The following ATE1 variants were observed in gnomAD, a reference collection of about 807,000 sequenced individuals.
ATE1 encodes the protein arginyl-tRNA--protein transferase 1.
ATE1 carries 36 observed loss-of-function variants against 70.5 expected under a neutral mutation model. That is an observed-to-expected ratio of 0.51 (90% confidence interval 0.39 to 0.67). The LOEUF is 0.67. Among genes scored for constraint, ATE1 ranks in the 30% least tolerant of loss-of-function variants. ATE1 has a pLI of 0.00. For synonymous variants in ATE1, 232 were observed against 219.3 expected, an observed-to-expected ratio of 1.06 and a Z score of -0.51; for missense variants, 593 against 629.5, an observed-to-expected ratio of 0.94 and a Z score of 0.62.
intron 8 of ATE1, among the ~76,000 whole-genome samples, chr10:121,852,510 A>T (rs10444128): frequency 0.3 from 44,924 of 151,946 alleles, 7,178 homozygotes; most frequent in South Asian, 0.43. Context: ...CAGGAGTTTG[A>T]GACCAGCCTG....
intron 4 of ATE1, among the ~76,000 whole-genome samples, chr10:121,912,133 G>A (rs1404738586): frequency 6.6e-6 from 1 of 151,880 alleles, no homozygotes. Flanking sequence ...CTCGTGATCC[G>A]CCTGTGTTGG....
intron 7 of ATE1, among the ~76,000 whole-genome samples, chr10:121,889,336 G>A (rs1266457565): frequency 1.3e-5 from 2 of 151,890 alleles, no homozygotes; most frequent in Non-Finnish European, 2.9e-5. Context: ...AAACCGAACT[G>A]TGATACGGAA....
At chr10:121,748,874 A>G (rs1944469197) in intron 11 of ATE1, among the ~76,000 whole-genome samples, 1 of 152,160 alleles carries the variant, frequency 6.6e-6, no homozygotes, top group Non-Finnish European at 1.5e-5. Context: ...AAATCCAACT[A>G]TATTTAGTCT....
rs187004692 is a variant in ATE1 at position 121,779,402 on chromosome 10, C to T, written c.1378+10767G>A. ...CCTGCTCAAATCTCTTACCTCTCTCCTCACCAGCACCTGCTTCAATGGAAA... is the reference window on the plus strand; with the variant it reads ...CCTGCTCAAATCTCTTACCTCTCTCTTCACCAGCACCTGCTTCAATGGAAA... On this transcript the variant is annotated intron_variant, in intron 11 of 11. Transcript: ENST00000224652. 3.3e-5 allele frequency among the ~76,000 whole-genome samples: 5 copies of T among 152,288 alleles called. No homozygotes were observed. In the East Asian group the frequency reaches 9.7e-4, roughly 29 times the overall value.
intron 7 of ATE1, among the ~76,000 whole-genome samples, chr10:121,883,164 T>C (rs1010865472): frequency 2.0e-5 from 3 of 152,128 alleles, no homozygotes; most frequent in Non-Finnish European, 4.4e-5. Context: ...CCCTCCTTTA[T>C]ACCTGCTCTA....
At chr10:121,782,748 C>G (rs1449272130) in intron 11 of ATE1, 2 of 152,088 alleles carry the variant, frequency 1.3e-5, no homozygotes, top group Non-Finnish European at 2.9e-5. Flanking sequence ...AAAGGCAGAC[C>G]CACTTCAACT....
intron 11 of ATE1, among the ~76,000 whole-genome samples, chr10:121,772,516 C>T (rs913111726): frequency 6.6e-6 from 1 of 152,138 alleles, no homozygotes; most frequent in Admixed American, 6.5e-5. Flanking sequence ...ATGCAAGGGG[C>T]CCATCAAAAA....
chr10:121,753,389 A>T (rs1418280652), intron 11 of ATE1, among the ~76,000 whole-genome samples: 1 of 152,214 alleles, frequency 6.6e-6, no homozygotes, highest in Non-Finnish European at 1.5e-5. Flanking sequence ...TGATATGTTG[A>T]TTAAAAACAA....
chr10:121,926,776 G>C (rs1035328890), intron 1 of ATE1: 21 of 985,278 alleles, frequency 2.1e-5, no homozygotes, highest in Non-Finnish European at 2.0e-5. Context: ...CTTCCTTTCA[G>C]AACTGTAATC....
At chr10:121,753,147 T>C (rs1394807788) in intron 11 of ATE1, among the ~76,000 whole-genome samples, 1 of 152,220 alleles carries the variant, frequency 6.6e-6, no homozygotes, top group Non-Finnish European at 1.5e-5. Flanking sequence ...TTGCTCACTG[T>C]TTAAGTGTGT....
chr10:121,862,532 A>ATTTTTTT (rs35130703), intron 8 of ATE1, among the ~76,000 whole-genome samples: 45 of 105,374 alleles, frequency 4.3e-4, no homozygotes, highest in African/African-American at 9.8e-4. Context: ...AATTTTTTTA[A>ATTTTTTT]TTTTTTTTTT....
chr10:121,897,585 C>G (rs560411075), intron 7 of ATE1, among the ~76,000 whole-genome samples: 2 of 152,200 alleles, frequency 1.3e-5, no homozygotes, highest in African/African-American at 4.8e-5. Context: ...TCCCAGCACT[C>G]TGGGAGGCCA....
At chr10:121,884,104 T>TC (rs1950306764) in intron 7 of ATE1, among the ~76,000 whole-genome samples, 1 of 6,998 alleles carries the variant, frequency 1.4e-4, no homozygotes, top group African/African-American at 3.3e-4. Flanking sequence ...AGACCCAGAC[T>TC]CAAAAAAAAA....
intron 10 of ATE1, among the ~76,000 whole-genome samples, chr10:121,829,020 A>T (rs1030929322): frequency 7.2e-5 from 11 of 152,118 alleles, no homozygotes; most frequent in African/African-American, 2.4e-4. Context: ...ATGTCCTCCT[A>T]AGTTGTAACC....
chr10:121,861,186 C>T (rs1005945992), intron 8 of ATE1, among the ~76,000 whole-genome samples: 4 of 152,094 alleles, frequency 2.6e-5, no homozygotes, highest in Non-Finnish European at 5.9e-5. Context: ...GAAGACTGAC[C>T]CAGCCAAAAG....
chr10:121,759,755 G>A (rs1223130073), intron 11 of ATE1, among the ~76,000 whole-genome samples: 5 of 150,600 alleles, frequency 3.3e-5, no homozygotes, highest in Non-Finnish European at 5.9e-5. Flanking sequence ...ATAAGGTGAA[G>A]CAGCAAGTGC....
rs140763015 is a variant in ATE1, at chr10:121,800,112, T to C, written c.1258-9823A>G. 7.3e-3 allele frequency among the ~76,000 whole-genome samples: 1,110 copies of C among 152,318 alleles called. 2 individuals carry two copies. Among genetic ancestry groups the C allele is most frequent in the South Asian group, 0.016 (76 of 4,824 alleles). On this transcript the variant is annotated intron_variant, in intron 10 of 11. Coordinates refer to ENST00000224652, the MANE Select transcript of ATE1 (RefSeq NM_001001976.3). Reference sequence around the variant, plus strand: ...ATAAGAAGACGGATGTGAAGCCCTATGTATTCAGAACTACACAGGTTTACT... The same window carrying C: ...ATAAGAAGACGGATGTGAAGCCCTACGTATTCAGAACTACACAGGTTTACT...
At chr10:121,892,797 G>A (rs977669638) in intron 7 of ATE1, among the ~76,000 whole-genome samples, 8 of 152,132 alleles carry the variant, frequency 5.3e-5, no homozygotes, top group African/African-American at 1.7e-4. Flanking sequence ...TTACTGGCAT[G>A]AGCCATGGCG....
intron 3 of ATE1, among the ~76,000 whole-genome samples, chr10:121,918,778 T>C: frequency 7.9e-6 from 1 of 126,030 alleles, no homozygotes; most frequent in Non-Finnish European, 1.6e-5. Context: ...CCTCTGCCAA[T>C]CCAACGGCCA....
Sources: allele counts gnomAD v4.1 joint callset (sites outside exome capture counted in the v4.1 genomes callset), GRCh38; gene constraint gnomAD v4.1.1; transcripts MANE v1.5; gene names NCBI Gene and HGNC (gene_info 2026-07-23, HGNC 2026-07-21).